Variants in TMEM17 observed in about 807,000 individuals in gnomAD.
TMEM17 encodes the protein transmembrane protein 17.
TMEM17 carries 15 observed loss-of-function variants against 19.1 expected under a neutral mutation model. The observed-to-expected ratio is 0.78, with a 90% CI of 0.52 to 1.21. The LOEUF (loss-of-function observed/expected upper bound fraction) is 1.21. Ranked by LOEUF, TMEM17 falls within the 50% of genes most tolerant of loss-of-function variation. The pLI is 0.00. For missense variants in TMEM17, 245 were observed against 242.3 expected (o/e 1.01, Z -0.07); for synonymous variants, 103 against 86.9 (o/e 1.19, Z -1.03).
chr2:62,473,485 C>A, the TMEM17 span, among the ~76,000 whole-genome samples: 1 of 152,086 alleles, frequency 6.6e-6, no homozygotes, highest in Admixed American at 6.6e-5. Flanking sequence ...GGAAAGTAGC[C>A]AAATCAAAGA....
In TMEM17 at chr2:62,501,483, G is replaced by A; in HGVS notation, c.323C>T (p.Pro108Leu). 1 of 1,610,814 alleles carries A rather than the reference G, an allele frequency of 6.2e-7. No individual in the cohort carries two copies. Among genetic ancestry groups the A allele is most frequent in the South Asian group, 1.1e-5 (1 of 90,558 alleles). ...CAAAAGCCAAAAGCCAGCCAACTCA[G>A]GAACCTGCAATGACACATATCAAGA... ...GYVGNLQEKV[P>L]ELAGFWLLSL... The change falls in exon 4 of 4, where the codon CCT becomes CTT. Residue 108 changes from proline to leucine, a missense_variant. Coordinates refer to ENST00000335390, the MANE Select transcript of TMEM17 (RefSeq NM_198276.3).
the TMEM17 span, among the ~76,000 whole-genome samples, chr2:62,488,442 C>T: frequency 7.4e-6 from 1 of 135,448 alleles, no homozygotes; most frequent in Non-Finnish European, 1.6e-5. Context: ...CAATTTGTAA[C>T]AAGCAAGCAA....
downstream of TMEM17, among the ~76,000 whole-genome samples, chr2:62,495,894 T>C (rs1332506719): frequency 6.6e-6 from 1 of 152,220 alleles, no homozygotes; most frequent in Non-Finnish European, 1.5e-5. Flanking sequence ...ATCCAGAGCT[T>C]TACTTCATTT....
chr2:62,457,432 C>T, the TMEM17 span, among the ~76,000 whole-genome samples: 2 of 152,178 alleles, frequency 1.3e-5, no homozygotes, highest in East Asian at 1.9e-4. This position sits in a 1 kb window ranked among gnomAD's most constrained non-coding sequence, Gnocchi z 4.2. Flanking sequence ...GAGAGCTGAG[C>T]CTGGGTTGGT....
the TMEM17 span, among the ~76,000 whole-genome samples, chr2:62,469,810 G>A: frequency 6.6e-6 from 1 of 152,252 alleles, no homozygotes; most frequent in African/African-American, 2.4e-5. Flanking sequence ...AAGACGCAGT[G>A]TCTGGTGCTC....
chr2:62,489,555 T>C, the TMEM17 span, among the ~76,000 whole-genome samples: 3 of 152,346 alleles, frequency 2.0e-5, no homozygotes, highest in South Asian at 2.1e-4. Flanking sequence ...TCAATCCATA[T>C]GCTTATTTGG....
the TMEM17 span, among the ~76,000 whole-genome samples, chr2:62,465,580 G>A: frequency 1.3e-5 from 2 of 149,772 alleles, no homozygotes; most frequent in African/African-American, 5.0e-5. Context: ...GCAGCATAGT[G>A]AGACCTTGTC....
chr2:62,506,151 A>C lies in TMEM17; in HGVS notation c.-22T>G. The C allele has an allele frequency of 6.3e-7, 1 of 1,582,116 alleles. No individual in the cohort carries two copies. Among genetic ancestry groups the C allele is most frequent in the Non-Finnish European group, 8.6e-7 (1 of 1,164,458 alleles). ...CCATGCCTGGGCCTCAGTATCCCTC[A>C]CCCCCTCAGACACGGGCTAGTCTGC... On this transcript the variant is annotated 5_prime_UTR_variant, in exon 1 of 4. Coordinates refer to ENST00000335390, the MANE Select transcript of TMEM17 (RefSeq NM_198276.3).
chr2:62,479,846 C>G, the TMEM17 span, among the ~76,000 whole-genome samples: 1 of 144,196 alleles, frequency 6.9e-6, no homozygotes, highest in South Asian at 2.2e-4. Flanking sequence ...GAGGTCATGC[C>G]ACTGCACTCC....
chr2:62,490,211 T>C, the TMEM17 span, among the ~76,000 whole-genome samples: 4 of 152,152 alleles, frequency 2.6e-5, no homozygotes, highest in African/African-American at 7.2e-5. Flanking sequence ...TTCCTTATTA[T>C]TTCTGTAGGA....
At chr2:62,453,984 C>T in the TMEM17 span, among the ~76,000 whole-genome samples, 1 of 152,218 alleles carries the variant, frequency 6.6e-6, no homozygotes, top group East Asian at 1.9e-4. Flanking sequence ...GGAAGCAGGG[C>T]CACATTCTCT....
chr2:62,474,769 A>G, the TMEM17 span, among the ~76,000 whole-genome samples: 1 of 152,112 alleles, frequency 6.6e-6, no homozygotes, highest in Non-Finnish European at 1.5e-5. Context: ...CCCCAGTCCC[A>G]GTTAAACTGG....
chr2:62,502,880 T>TATA (rs1440678539), intron 1 of TMEM17, 86 bp from the exon 2 acceptor site: 1 of 726,282 alleles, frequency 1.4e-6, no homozygotes, highest in East Asian at 3.0e-5. Context: ...AATTAATAAC[T>TATA]ATAATATTGG....
downstream of TMEM17, among the ~76,000 whole-genome samples, chr2:62,498,843 C>G (rs1679845886): frequency 6.6e-6 from 1 of 151,922 alleles, no homozygotes; most frequent in South Asian, 2.1e-4. Context: ...TGTTGTAAAT[C>G]CTTAGAAGGA....
the TMEM17 span, among the ~76,000 whole-genome samples, chr2:62,459,437 G>A: frequency 1.4e-4 from 21 of 152,346 alleles, no homozygotes; most frequent in Non-Finnish European, 2.6e-4. Flanking sequence ...TGCTGCTCGG[G>A]CAGGGCCCAT....
the TMEM17 span, among the ~76,000 whole-genome samples, chr2:62,465,596 T>TTA: frequency 6.9e-6 from 1 of 144,918 alleles, no homozygotes; most frequent in East Asian, 2.0e-4. Flanking sequence ...TTGTCTATAT[T>TTA]AAAAAAAAAA....
At chr2:62,456,236 A>T in the TMEM17 span, among the ~76,000 whole-genome samples, 1 of 152,248 alleles carries the variant, frequency 6.6e-6, no homozygotes, top group Non-Finnish European at 1.5e-5. Context: ...TCTGCAGATC[A>T]GAAATCTGAA....
At chr2:62,505,541 G>A (rs1178871671) in intron 1 of TMEM17, among the ~76,000 whole-genome samples, 1 of 138,918 alleles carries the variant, frequency 7.2e-6, no homozygotes, top group African/African-American at 2.6e-5. Flanking sequence ...AAGGGAAAAG[G>A]CAAATTTGTT....
At chr2:62,480,402 A>T in the TMEM17 span, among the ~76,000 whole-genome samples, 1 of 152,080 alleles carries the variant, frequency 6.6e-6, no homozygotes, top group Non-Finnish European at 1.5e-5. Flanking sequence ...TGCTGTACAG[A>T]AGCCTTTTCA....
Sources: allele counts gnomAD v4.1 joint callset (sites outside exome capture counted in the v4.1 genomes callset), GRCh38; gene constraint gnomAD v4.1.1; non-coding constraint Gnocchi (gnomAD v3.1); transcripts MANE v1.5; gene names NCBI Gene and HGNC (gene_info 2026-07-23, HGNC 2026-07-21).